The following PITPNM3 variants were observed in gnomAD, a reference collection of about 807,000 sequenced individuals.
PITPNM3 encodes the protein membrane-associated phosphatidylinositol transfer protein 3.
A neutral mutation model predicts 102.0 loss-of-function variants in PITPNM3; 26 were observed. That is an observed-to-expected ratio of 0.25 (90% CI 0.19 to 0.35). The LOEUF (loss-of-function observed/expected upper bound fraction) is 0.35. Among genes scored for constraint, PITPNM3 ranks in the 10% least tolerant of loss-of-function variants. PITPNM3 has a pLI of 1.00. For synonymous variants in PITPNM3, 578 were observed against 558.6 expected, an observed-to-expected ratio of 1.03 and a Z score of -0.49; for missense variants, 1,083 against 1,346.1, an observed-to-expected ratio of 0.80 and a Z score of 3.06.
chr17:6,497,064 G>A (rs576369790), intron 4 of PITPNM3, among the ~76,000 whole-genome samples: 38 of 152,268 alleles, frequency 2.5e-4, no homozygotes, highest in Non-Finnish European at 5.0e-4. Context: ...CAAGGCGGAC[G>A]TCTGCCACCC....
chr17:6,473,464 C>T (rs560886221), intron 10 of PITPNM3, among the ~76,000 whole-genome samples: 1 of 152,196 alleles, frequency 6.6e-6, no homozygotes, highest in African/African-American at 2.4e-5. Flanking sequence ...TCTGCCTCCT[C>T]GCCTCCATTT....
Position 6,469,270 on chromosome 17 carries a change from G to A in PITPNM3, c.1774-929C>T, listed in dbSNP as rs374749519. ...TTCCAGACTCCTCTACTCCCCTTCC[G>A]TCCCAGCAACTAAGAGGCAGCTCAC... On this transcript the variant is annotated intron_variant, in intron 13 of 19. Coordinates refer to ENST00000262483, the MANE Select transcript of PITPNM3 (RefSeq NM_031220.4). The surrounding 1 kb of genome is among the most constrained non-coding windows in gnomAD (Gnocchi z 4.0). Among the ~76,000 whole-genome samples the A allele has an allele frequency of 7.2e-5, 11 of 152,106 alleles. No homozygotes were observed. The highest frequency in any genetic ancestry group is 2.1e-4 in the South Asian group (1 of 4,808).
rs578037030 is a variant in PITPNM3 at position 6,538,306 on chromosome 17, T to A, written c.23-224A>T. Among the ~76,000 whole-genome samples, 10 of 150,582 alleles carry A rather than the reference T, an allele frequency of 6.6e-5. No homozygotes were observed. In the South Asian group the frequency reaches 2.1e-3, roughly 31 times the overall value. ...GCAGAGCAGGAATGCGTGTGCCCAT[T>A]TTCCATGTCCTAACACTGAGGCTGG... On this transcript the variant is annotated intron_variant, in intron 1 of 19. Coordinates refer to ENST00000262483, the MANE Select transcript of PITPNM3 (RefSeq NM_031220.4).
intron 5 of PITPNM3, 152 bp from the exon 6 acceptor site, chr17:6,483,904 G>C: frequency 1.3e-6 from 1 of 770,474 alleles, no homozygotes; most frequent in Non-Finnish European, 2.2e-6. Context: ...ACTATGTCCA[G>C]CCTGTCTCAG....
At chr17:6,513,405 T>G (rs1477772817) in intron 3 of PITPNM3, among the ~76,000 whole-genome samples, 1 of 152,112 alleles carries the variant, frequency 6.6e-6, no homozygotes, top group East Asian at 1.9e-4. Flanking sequence ...TAGAAAGTAC[T>G]AAAGAATCCC....
intron 1 of PITPNM3, among the ~76,000 whole-genome samples, chr17:6,551,511 C>G (rs565600340): frequency 6.6e-6 from 1 of 152,140 alleles, no homozygotes; most frequent in Non-Finnish European, 1.5e-5. Context: ...GTAGAGTAAT[C>G]GGTGCCCTAG....
chr17:6,500,189 T>C (rs989420585), intron 4 of PITPNM3, among the ~76,000 whole-genome samples: 6 of 152,224 alleles, frequency 3.9e-5, no homozygotes, highest in African/African-American at 1.4e-4. Flanking sequence ...AGTCCCAGCA[T>C]GTTCTGACTC....
rs1242226020 is a variant in PITPNM3 at position 6,464,157 on chromosome 17, C to A, written c.2156+13G>T. On this transcript the variant is annotated intron_variant, in intron 16 of 19. Transcript: ENST00000262483. Reference sequence around the variant, plus strand: ...TGAGAGAAACCACCCTGAGAATGGCCCCTGGGTCTTACCTGACGACCATCT... The same window carrying A: ...TGAGAGAAACCACCCTGAGAATGGCACCTGGGTCTTACCTGACGACCATCT... 1 of 1,614,152 alleles carries A rather than the reference C, an allele frequency of 6.2e-7. No individual in the cohort carries two copies. The highest frequency in any genetic ancestry group is 8.5e-7 in the Non-Finnish European group (1 of 1,180,020).
At chr17:6,492,961 G>T (rs566104252) in intron 4 of PITPNM3, among the ~76,000 whole-genome samples, 26 of 150,784 alleles carry the variant, frequency 1.7e-4, no homozygotes, top group Non-Finnish European at 3.4e-4. Context: ...CCACCCTATT[G>T]GTTATTGCCC....
intron 4 of PITPNM3, among the ~76,000 whole-genome samples, chr17:6,502,797 A>G (rs1299042674): frequency 6.6e-6 from 1 of 152,218 alleles, no homozygotes; most frequent in East Asian, 1.9e-4. Context: ...TGGCCCAGAC[A>G]TTGGCCACCG....
Position 6,468,205 on chromosome 17 carries a change from C to A in PITPNM3, c.1890+20G>T, listed in dbSNP as rs769373228. 6 of 1,609,012 alleles carry A rather than the reference C, an allele frequency of 3.7e-6. No homozygotes were observed. Among genetic ancestry groups the A allele is most frequent in the Non-Finnish European group, 5.1e-6 (6 of 1,177,014 alleles). ...CGGAGGACACAGTCCCAGCCACATG[C>A]GAACTGAGCATGCACGCACCCTCAG... On this transcript the variant is annotated intron_variant, in intron 14 of 19. Transcript: ENST00000262483. The surrounding 1 kb of genome is among the most constrained non-coding windows in gnomAD (Gnocchi z 5.2).
Position 6,470,475 on chromosome 17 carries a change from T to A in PITPNM3, c.1625-67A>T. 6.2e-7 allele frequency: 1 copy of A among 1,603,984 alleles called. No homozygotes were observed. The highest frequency in any genetic ancestry group is 8.5e-7 in the Non-Finnish European group (1 of 1,172,882). On this transcript the variant is annotated intron_variant, in intron 12 of 19. Transcript: ENST00000262483. The surrounding 1 kb of genome is among the most constrained non-coding windows in gnomAD (Gnocchi z 4.8). The stretch of plus-strand genomic sequence containing the variant: ...GGGCCTCACCCGAGGGGCAGCGGGG[T>A]CTCCCATTGCACAGACTGGTGGTGG...
intron 4 of PITPNM3, among the ~76,000 whole-genome samples, chr17:6,489,897 G>A (rs894056085): frequency 2.0e-5 from 3 of 151,992 alleles, no homozygotes; most frequent in Non-Finnish European, 4.4e-5. Context: ...CCAGCTACTC[G>A]GGAGGCTGAG....
chr17:6,454,972 G>C lies in PITPNM3; in HGVS notation c.*366C>G, dbSNP rs543632531. On this transcript the variant is annotated 3_prime_UTR_variant, in exon 20 of 20. Coordinates refer to ENST00000262483, the MANE Select transcript of PITPNM3 (RefSeq NM_031220.4). ...GCCGAGGCTGGGGCTGCCCCCTTGA[G>C]GGCCTGCCTAGCTCGCTGTGAAGCC... 1.1e-5 allele frequency: 3 copies of C among 271,852 alleles called. No homozygotes were observed. Among genetic ancestry groups the C allele is most frequent in the African/African-American group, 6.7e-5 (3 of 44,916 alleles). The allele number at this position is 271,852 out of a possible 1,614,324, so 16.8% of individuals were successfully genotyped here. A position where few individuals can be genotyped will look rare whatever the true frequency, so the allele number is the denominator to read the frequency against.
At chr17:6,539,988 G>A (rs1909647445) in intron 1 of PITPNM3, among the ~76,000 whole-genome samples, 2 of 152,238 alleles carry the variant, frequency 1.3e-5, no homozygotes, top group Admixed American at 1.3e-4. Flanking sequence ...AGCCCAGTGA[G>A]AGGCTCCTCT....
intron 1 of PITPNM3, among the ~76,000 whole-genome samples, chr17:6,553,088 C>CA (rs1048008186): frequency 3.3e-5 from 5 of 152,094 alleles, no homozygotes; most frequent in African/African-American, 1.2e-4. Flanking sequence ...CCTTTCTATA[C>CA]AAACTGTGCC....
chr17:6,511,763 C>T (rs1250121482), intron 3 of PITPNM3, among the ~76,000 whole-genome samples: 1 of 152,100 alleles, frequency 6.6e-6, no homozygotes, highest in Non-Finnish European at 1.5e-5. Context: ...GTGGGTGGAT[C>T]ATGAGGTCAG....
In PITPNM3 at chr17:6,464,271, G is replaced by T. The variant is rs774024413; in HGVS notation, c.2055C>A (p.His685Gln). 3.1e-6 allele frequency: 5 copies of T among 1,614,022 alleles called. No homozygotes were observed. Among genetic ancestry groups the T allele is most frequent in the Non-Finnish European group, 3.4e-6 (4 of 1,180,034 alleles). The change falls in exon 16 of 20, where the codon CAC (histidine) becomes CAA (glutamine). Residue 685 changes from histidine (H) to glutamine (Q), a missense_variant. By Grantham distance (24) the His-to-Gln change is conservative. Coordinates refer to ENST00000262483, the MANE Select transcript of PITPNM3 (RefSeq NM_031220.4). ...MAEPSSGRWVHLDTEITNSSG... is the reference protein window; with the variant it reads ...MAEPSSGRWVQLDTEITNSSG... ...TGCTGTTGGTGATCTCTGTGTCCAG[G>T]TGTACCCAGCGGCCTGAGGATGGCT...
At chr17:6,508,136 C>G (rs532460717) in intron 3 of PITPNM3, among the ~76,000 whole-genome samples, 1 of 151,988 alleles carries the variant, frequency 6.6e-6, no homozygotes, top group Admixed American at 6.5e-5. Context: ...TGCCAAGAGG[C>G]CAGGAGGTGA....
Sources: allele counts gnomAD v4.1 joint callset (sites outside exome capture counted in the v4.1 genomes callset), GRCh38; gene constraint gnomAD v4.1.1; non-coding constraint Gnocchi (gnomAD v3.1); transcripts MANE v1.5; gene names NCBI Gene and HGNC (gene_info 2026-07-23, HGNC 2026-07-21).